Variants in DPP6 observed in about 807,000 individuals in gnomAD.
The protein encoded by DPP6 is dipeptidyl peptidase like 6, also known as A-type potassium channel modulatory protein DPP6.
Under a neutral mutation model 122.6 loss-of-function variants are expected in DPP6, and 69 were observed. The observed-to-expected ratio is 0.56, with a 90% confidence interval of 0.46 to 0.69. DPP6 has a LOEUF of 0.69. DPP6 is among the 30% of genes least tolerant of loss of function. The pLI is 0.00. For synonymous variants in DPP6, 418 were observed against 433.1 expected (o/e 0.97, Z 0.43); for missense variants, 928 against 1,116.9 (o/e 0.83, Z 2.41).
intron 1 of DPP6, among the ~76,000 whole-genome samples, chr7:154,334,794 G>A (rs1347410786): frequency 6.6e-6 from 1 of 152,186 alleles, no homozygotes; most frequent in African/African-American, 2.4e-5. Flanking sequence ...TACTCAGGAG[G>A]CTGAGGTGGG....
intron 1 of DPP6, among the ~76,000 whole-genome samples, chr7:154,276,540 G>A (rs1421133449): frequency 6.6e-6 from 1 of 152,202 alleles, no homozygotes; most frequent in African/African-American, 2.4e-5. Flanking sequence ...GGTCAAGAAT[G>A]CAAATGGGAA....
intron 3 of DPP6, among the ~76,000 whole-genome samples, chr7:154,502,460 G>C (rs1443187671): frequency 1.3e-5 from 2 of 152,108 alleles, no homozygotes; most frequent in Non-Finnish European, 2.9e-5. Context: ...ATGGGGGTGG[G>C]TCTTTCCTGC....
intron 1 of DPP6, among the ~76,000 whole-genome samples, chr7:154,238,496 G>C (rs1052118190): frequency 6.6e-6 from 1 of 152,176 alleles, no homozygotes; most frequent in Non-Finnish European, 1.5e-5. Flanking sequence ...GGATTAGACT[G>C]TCTGATTTAA....
At chr7:154,688,981 AATTG>A (rs1312849476) in intron 7 of DPP6, among the ~76,000 whole-genome samples, 1 of 152,168 alleles carries the variant, frequency 6.6e-6, no homozygotes, top group Non-Finnish European at 1.5e-5. Flanking sequence ...TACTTCCAAT[AATTG>A]ATCTGTGGTT....
intron 6 of DPP6, among the ~76,000 whole-genome samples, chr7:154,640,180 A>G (rs1835980834): frequency 6.6e-6 from 1 of 152,146 alleles, no homozygotes; most frequent in African/African-American, 2.4e-5. Flanking sequence ...TGAACCTGGG[A>G]GGCTAGAGGT....
At chr7:154,295,503 A>G (rs763019955) in intron 1 of DPP6, among the ~76,000 whole-genome samples, 22 of 152,174 alleles carry the variant, frequency 1.4e-4, no homozygotes, top group Non-Finnish European at 2.8e-4. Context: ...GGCCCTCAGT[A>G]CATTTTATTT....
At chr7:154,237,970 G>C (rs540524098) in intron 1 of DPP6, among the ~76,000 whole-genome samples, 148 of 152,340 alleles carry the variant, frequency 9.7e-4, no homozygotes, top group African/African-American at 3.4e-3. Context: ...CCCTCTGCCA[G>C]CTCGTGTCTG....
intron 5 of DPP6, among the ~76,000 whole-genome samples, chr7:154,613,619 CAAAAAAAAAAAAA>C (rs749561005): frequency 2.5e-4 from 13 of 51,852 alleles, no homozygotes; most frequent in African/African-American, 1.0e-3. Flanking sequence ...GACTCTGTCT[CAAAAAAAAAAAAA>C]AAAAAAAAAA....
chr7:154,112,725 C>G (rs1263258340), intron 1 of DPP6, among the ~76,000 whole-genome samples: 1 of 152,000 alleles, frequency 6.6e-6, no homozygotes, highest in Non-Finnish European at 1.5e-5. Flanking sequence ...TAACTACAAA[C>G]TTTCTTTTCT....
chr7:154,043,083 T>A (rs1037052415), intron 1 of DPP6, among the ~76,000 whole-genome samples: 4 of 152,020 alleles, frequency 2.6e-5, no homozygotes, highest in African/African-American at 7.2e-5. Flanking sequence ...GTAGATATAA[T>A]CAGTAGATTA....
chr7:154,261,582 G>T (rs191456315), intron 1 of DPP6, among the ~76,000 whole-genome samples: 271 of 152,198 alleles, frequency 1.8e-3, no homozygotes, highest in Middle Eastern at 3.4e-3. Context: ...CAAAAGGTAA[G>T]GTCAGCAGAA....
At chr7:154,342,518 G>T (rs4455751) in intron 1 of DPP6, among the ~76,000 whole-genome samples, 1 of 152,094 alleles carries the variant, frequency 6.6e-6, no homozygotes, top group African/African-American at 2.4e-5. Flanking sequence ...GAAGTGGGCT[G>T]TAAGCCCCGG....
chr7:154,265,665 A>G (rs1015271683), intron 1 of DPP6, among the ~76,000 whole-genome samples: 1 of 152,236 alleles, frequency 6.6e-6, no homozygotes, highest in Non-Finnish European at 1.5e-5. Context: ...AAATAAACTT[A>G]AGATTACTGT....
intron 1 of DPP6, among the ~76,000 whole-genome samples, chr7:154,415,806 T>C (rs537913448): frequency 2.0e-5 from 3 of 150,790 alleles, no homozygotes; most frequent in African/African-American, 7.3e-5. Context: ...CCGTTACAGA[T>C]TGAGTTGGAC....
At chr7:153,905,687 G>T (rs1037871510) in intron 1 of DPP6, among the ~76,000 whole-genome samples, 1 of 152,108 alleles carries the variant, frequency 6.6e-6, no homozygotes, top group African/African-American at 2.4e-5. Context: ...ATGAAACCTG[G>T]GTATCTATAA....
chr7:153,900,731 G>C (rs777432202), intron 1 of DPP6, among the ~76,000 whole-genome samples: 3 of 152,126 alleles, frequency 2.0e-5, no homozygotes, highest in Non-Finnish European at 4.4e-5. Flanking sequence ...ATGAGGTTTG[G>C]GGGGTGGATA....
intron 1 of DPP6, among the ~76,000 whole-genome samples, chr7:154,277,303 G>A (rs536806674): frequency 3.9e-5 from 6 of 152,228 alleles, no homozygotes; most frequent in African/African-American, 1.4e-4. Context: ...GTTAGCATTA[G>A]CACATTGCCC....
At position 154,857,985 on chromosome 7, in the gene DPP6, C is replaced by T. The variant is rs147021277; in HGVS notation, c.1714+4158C>T. On this transcript the variant is annotated intron_variant, in intron 17 of 25. Transcript: ENST00000377770. ...TTCATCCAAACACTCAGCCAGCTAGCGGTTCTGCATCGTCAGGATTCTGCA... is the reference window on the plus strand; with the variant it reads ...TTCATCCAAACACTCAGCCAGCTAGTGGTTCTGCATCGTCAGGATTCTGCA... Among the ~76,000 whole-genome samples, 1,244 of 152,258 alleles carry T rather than the reference C, an allele frequency of 8.2e-3. 16 individuals are homozygous for T. The highest frequency in any genetic ancestry group is 0.028 in the African/African-American group (1,152 of 41,540).
chr7:154,391,969 CAT>C (rs1814660732), intron 1 of DPP6, among the ~76,000 whole-genome samples: 1 of 152,058 alleles, frequency 6.6e-6, no homozygotes, highest in Non-Finnish European at 1.5e-5. Context: ...CTGGAGATTC[CAT>C]GTCAGAAAAT....
Sources: gnomAD v4.1 joint callset for allele counts (sites outside exome capture counted in the v4.1 genomes callset) on GRCh38, gnomAD v4.1.1 for gene constraint, MANE v1.5 for transcripts, NCBI Gene and HGNC (gene_info 2026-07-23, HGNC 2026-07-21) for gene names.